Variants in BABAM2 observed in about 807,000 individuals in gnomAD.
The protein encoded by BABAM2 is BRISC and BRCA1-A complex member 2.
Under a neutral mutation model 54.7 loss-of-function variants are expected in BABAM2, and 31 were observed. The ratio of observed to expected loss-of-function variants is 0.57; its 90% CI spans 0.43 to 0.77. The LOEUF is 0.77. Ranked by LOEUF, BABAM2 falls within the 30% of genes least tolerant of loss-of-function variation. The probability of loss-of-function intolerance (pLI) is 0.00; values close to 1 mark genes in which losing one functional copy is unlikely to be tolerated. For missense variants in BABAM2, 364 were observed against 455.8 expected (o/e 0.80, Z 1.83); for synonymous variants, 167 against 162.9 (o/e 1.03, Z -0.19).
chr2:27,922,387 T>C (rs1667403188), intron 2 of BABAM2, among the ~76,000 whole-genome samples: 1 of 152,104 alleles, frequency 6.6e-6, no homozygotes, highest in Non-Finnish European at 1.5e-5. Context: ...AAATGTAAAA[T>C]AAGAGACTCA....
chr2:27,897,298 G>A (rs982935819), intron 2 of BABAM2: 2 of 152,096 alleles, frequency 1.3e-5, no homozygotes, highest in Non-Finnish European at 2.9e-5. Flanking sequence ...TAAAGACTTG[G>A]GTATAAGAAT....
chr2:28,207,385 ACAG>A (rs927628950), intron 7 of BABAM2, among the ~76,000 whole-genome samples: 4 of 151,454 alleles, frequency 2.6e-5, no homozygotes, highest in Admixed American at 6.6e-5. Context: ...TCTGGGAAAA[ACAG>A]CAGCAGCAAC....
At chr2:28,008,767 G>A (rs2148526789) in intron 4 of BABAM2, among the ~76,000 whole-genome samples, 2 of 152,246 alleles carry the variant, frequency 1.3e-5, no homozygotes, top group South Asian at 4.1e-4. Flanking sequence ...CTCACAGACA[G>A]CCTGGATGAT....
intron 10 of BABAM2, among the ~76,000 whole-genome samples, chr2:28,261,814 C>T (rs924555406): frequency 2.7e-5 from 4 of 149,478 alleles, no homozygotes; most frequent in African/African-American, 9.9e-5. Context: ...CAGTGGCCTC[C>T]AGACCTGACC....
intron 10 of BABAM2, among the ~76,000 whole-genome samples, chr2:28,271,232 C>T (rs1010208346): frequency 1.3e-5 from 2 of 152,132 alleles, no homozygotes; most frequent in African/African-American, 4.8e-5. Context: ...GGATTTTCAC[C>T]CAGCATCCCA....
chr2:27,901,125 G>T (rs1474669012), intron 2 of BABAM2, among the ~76,000 whole-genome samples: 3 of 151,684 alleles, frequency 2.0e-5, no homozygotes, highest in Non-Finnish European at 4.4e-5. Context: ...AATACAGACT[G>T]AGATCTGAAG....
intron 7 of BABAM2, among the ~76,000 whole-genome samples, chr2:28,192,343 T>G (rs1573801544): frequency 6.6e-6 from 1 of 152,010 alleles, no homozygotes. Flanking sequence ...CAGGAGATTG[T>G]ATATTACCTT....
chr2:27,918,604 C>A (rs1667143900), intron 2 of BABAM2, among the ~76,000 whole-genome samples: 1 of 152,118 alleles, frequency 6.6e-6, no homozygotes, highest in African/African-American at 2.4e-5. Flanking sequence ...TCTTCAAGAT[C>A]ATCTGATCTA....
chr2:28,132,124 T>C (rs1670128720), intron 7 of BABAM2, among the ~76,000 whole-genome samples: 1 of 151,272 alleles, frequency 6.6e-6, no homozygotes, highest in Admixed American at 6.6e-5. Flanking sequence ...TCCTCCCTTT[T>C]TTTTCTTTCT....
At chr2:27,949,879 C>A (rs1435564819) in intron 3 of BABAM2, among the ~76,000 whole-genome samples, 1 of 152,134 alleles carries the variant, frequency 6.6e-6, no homozygotes, top group Non-Finnish European at 1.5e-5. Context: ...TTTCATTGTG[C>A]TGTTTTTTGG....
At chr2:27,987,939 A>G (rs967850379) in intron 3 of BABAM2, 54 bp from the exon 4 acceptor site, 19 of 1,472,930 alleles carry the variant, frequency 1.3e-5, no homozygotes, top group Non-Finnish European at 1.8e-5. Flanking sequence ...AGTCTTCAGA[A>G]TATTCATACT....
intron 6 of BABAM2, among the ~76,000 whole-genome samples, chr2:28,079,151 A>G (rs1664944476): frequency 6.6e-6 from 1 of 152,232 alleles, no homozygotes; most frequent in Admixed American, 6.5e-5. Context: ...TCATTTCTCA[A>G]GAACCATTAA....
At chr2:28,324,204 A>G (rs1395983046) in intron 11 of BABAM2, among the ~76,000 whole-genome samples, 1 of 152,220 alleles carries the variant, frequency 6.6e-6, no homozygotes, top group Non-Finnish European at 1.5e-5. Flanking sequence ...GGAGGAGACT[A>G]AAATACAGCC....
chr2:27,890,237 GTAAC>G (rs777835683), upstream of BABAM2: 5 of 1,611,138 alleles, frequency 3.1e-6, no homozygotes, highest in African/African-American at 2.7e-5. This position sits in a 1 kb window ranked among gnomAD's most constrained non-coding sequence, Gnocchi z 4.8. Context: ...CGCAGACTGA[GTAAC>G]TGGCCCCGGA....
At chr2:28,293,579 G>T (rs1287849840) in intron 10 of BABAM2, among the ~76,000 whole-genome samples, 1 of 152,218 alleles carries the variant, frequency 6.6e-6, no homozygotes, top group Non-Finnish European at 1.5e-5. Context: ...CCAGAGTGAG[G>T]CAACCGGTGC....
rs147666264 is a variant in BABAM2, at chr2:28,091,745, A to G, written c.571-37526A>G. Among the ~76,000 whole-genome samples, 41 of 152,344 alleles carry G rather than the reference A, an allele frequency of 2.7e-4. 1 individual carries two copies. The highest frequency in any genetic ancestry group is 8.7e-4 in the African/African-American group (36 of 41,586). On this transcript the variant is annotated intron_variant, in intron 6 of 11. Transcript: ENST00000379624. ...GATTAGAACTAGGAACTATGAAACT[A>G]AAGTGAAATGTGGCTTAGTTTTTTC...
intron 10 of BABAM2, among the ~76,000 whole-genome samples, chr2:28,280,365 C>T (rs1279677707): frequency 1.3e-5 from 2 of 152,104 alleles, no homozygotes; most frequent in Non-Finnish European, 2.9e-5. Context: ...AGCCTCATAA[C>T]TGATTTTTAA....
At chr2:28,326,147 G>A (rs1286992530) in intron 11 of BABAM2, among the ~76,000 whole-genome samples, 2 of 152,126 alleles carry the variant, frequency 1.3e-5, no homozygotes, top group East Asian at 1.9e-4. Flanking sequence ...TTCCCCTTTC[G>A]ATGACTAAAA....
At chr2:28,152,453 C>T (rs961243465) in intron 7 of BABAM2, among the ~76,000 whole-genome samples, 5 of 152,170 alleles carry the variant, frequency 3.3e-5, no homozygotes, top group Admixed American at 6.5e-5. Context: ...GTCTAACCTC[C>T]GCCTTTTTTG....
Sources: allele counts gnomAD v4.1 joint callset (sites outside exome capture counted in the v4.1 genomes callset), GRCh38; gene constraint gnomAD v4.1.1; non-coding constraint Gnocchi (gnomAD v3.1); transcripts MANE v1.5; gene names NCBI Gene and HGNC (gene_info 2026-07-23, HGNC 2026-07-21).